CC2D2A: variants seen among roughly 807,000 people sequenced by gnomAD.
CC2D2A encodes coiled-coil and C2 domain containing 2A, also known as coiled-coil and C2 domain-containing protein 2A.
A neutral mutation model predicts 212.9 loss-of-function variants in CC2D2A; 155 were observed. That is an observed-to-expected ratio of 0.73 (90% CI 0.64 to 0.83). The LOEUF (loss-of-function observed/expected upper bound fraction) is 0.83, where lower values mean the gene tolerates loss of function less well. Among genes scored for constraint, CC2D2A ranks in the 40% least tolerant of loss-of-function variants. The probability of loss-of-function intolerance (pLI) is 0.00; values close to 1 mark genes in which losing one functional copy is unlikely to be tolerated. For synonymous variants in CC2D2A, 667 were observed against 686.5 expected, an observed-to-expected ratio of 0.97 and a Z score of 0.44; for missense variants, 1,856 against 1,956.2, an observed-to-expected ratio of 0.95 and a Z score of 0.97.
intron 4 of CC2D2A, among the ~76,000 whole-genome samples, chr4:15,483,053 G>C (rs1479141431): frequency 6.6e-6 from 1 of 152,218 alleles, no homozygotes; most frequent in African/African-American, 2.4e-5. Context: ...CCAAGACGAA[G>C]AGAAAACATC....
chr4:15,574,659 A>G (rs187986766), intron 29 of CC2D2A, among the ~76,000 whole-genome samples: 1 of 152,248 alleles, frequency 6.6e-6, no homozygotes, highest in East Asian at 1.9e-4. Flanking sequence ...AAATATCACA[A>G]ACTAGAATAT....
intron 20 of CC2D2A, among the ~76,000 whole-genome samples, 196 bp downstream of exon 20, chr4:15,555,406 G>A (rs1381719290): frequency 2.6e-5 from 4 of 152,184 alleles, no homozygotes; most frequent in African/African-American, 9.7e-5. Flanking sequence ...CTGTGCTGCT[G>A]TCATAGCGGG....
intron 13 of CC2D2A, among the ~76,000 whole-genome samples, chr4:15,529,816 C>CT (rs533868904): frequency 0.028 from 3,349 of 121,292 alleles, 54 homozygotes; most frequent in Middle Eastern, 0.071. Flanking sequence ...TAAATCGAGG[C>CT]TTTTTTTTTT....
intron 16 of CC2D2A, among the ~76,000 whole-genome samples, 161 bp downstream of exon 16, chr4:15,538,298 T>C (rs983887743): frequency 5.3e-5 from 8 of 152,182 alleles, no homozygotes; most frequent in East Asian, 1.9e-4. Flanking sequence ...TTGAACCACA[T>C]GAAATTGCTG....
chr4:15,498,284 C>T (rs1305977663), intron 4 of CC2D2A, among the ~76,000 whole-genome samples: 2 of 152,176 alleles, frequency 1.3e-5, no homozygotes, highest in African/African-American at 4.8e-5. Context: ...GCTACATTGA[C>T]ATTATGTATA....
chr4:15,524,793 G>A (rs1316134361), intron 11 of CC2D2A, among the ~76,000 whole-genome samples: 1 of 152,074 alleles, frequency 6.6e-6, no homozygotes, highest in African/African-American at 2.4e-5. Flanking sequence ...TGCACATGGT[G>A]AGAACATCAA....
intron 24 of CC2D2A, among the ~76,000 whole-genome samples, chr4:15,564,684 C>T (rs930661306): frequency 8.6e-5 from 13 of 151,852 alleles, no homozygotes; most frequent in Non-Finnish European, 2.9e-5. Flanking sequence ...TTTTGCCTTA[C>T]ATTTTTTATT....
At chr4:15,493,885 T>A (rs1378331610) in intron 4 of CC2D2A, among the ~76,000 whole-genome samples, 1 of 152,190 alleles carries the variant, frequency 6.6e-6, no homozygotes, top group Non-Finnish European at 1.5e-5. Context: ...AATACTAGTA[T>A]CCTCTTAGAA....
At chr4:15,499,282 A>G (rs1230739578) in intron 4 of CC2D2A, among the ~76,000 whole-genome samples, 2 of 152,194 alleles carry the variant, frequency 1.3e-5, no homozygotes, top group South Asian at 2.1e-4. Flanking sequence ...TGATGCGTCA[A>G]TGAAGGTTCA....
chr4:15,507,910 G>A (rs553648029), intron 6 of CC2D2A, among the ~76,000 whole-genome samples: 1 of 152,164 alleles, frequency 6.6e-6, no homozygotes, highest in Non-Finnish European at 1.5e-5. Context: ...GGGACCAAAG[G>A]TCACTGTTTT....
chr4:15,581,019 T>C lies in CC2D2A; in HGVS notation c.3975+848T>C, dbSNP rs191050570. ...CAGAGCACCATACCCATCACAAACT[T>C]GTGTGAATCAGAAGGCATATGTTAA... is the stretch of plus-strand genomic sequence containing the variant. On this transcript the variant is annotated intron_variant, in intron 30 of 36. Transcript: ENST00000424120. 5.9e-3 allele frequency among the ~76,000 whole-genome samples: 901 copies of C among 152,256 alleles called. 35 individuals are homozygous for C. Among genetic ancestry groups the C allele is most frequent in the Admixed American group, 0.05 (759 of 15,288 alleles).
At chr4:15,589,082 G>A (rs1304944435) in intron 32 of CC2D2A, among the ~76,000 whole-genome samples, 3 of 151,444 alleles carry the variant, frequency 2.0e-5, no homozygotes, top group African/African-American at 7.3e-5. Context: ...TTAACTGTTT[G>A]GTACATATCC....
At chr4:15,480,993 A>G (rs1714605595) in intron 4 of CC2D2A, among the ~76,000 whole-genome samples, 166 bp downstream of exon 4, 1 of 152,172 alleles carries the variant, frequency 6.6e-6, no homozygotes, top group South Asian at 2.1e-4. Flanking sequence ...ATCCCTGCCA[A>G]GGAGACAGAA....
chr4:15,591,676 A>C (rs1721116212), intron 33 of CC2D2A, among the ~76,000 whole-genome samples: 1 of 152,124 alleles, frequency 6.6e-6, no homozygotes, highest in African/African-American at 2.4e-5. Context: ...TTCTCATGTT[A>C]ATTATTATTT....
At chr4:15,489,345 C>T (rs1487483429) in intron 4 of CC2D2A, among the ~76,000 whole-genome samples, 1 of 152,060 alleles carries the variant, frequency 6.6e-6, no homozygotes, top group Non-Finnish European at 1.5e-5. Context: ...TTGGGGGTTA[C>T]CTTAGTGCCC....
At chr4:15,484,156 T>G (rs1446970222) in intron 4 of CC2D2A, among the ~76,000 whole-genome samples, 2 of 152,142 alleles carry the variant, frequency 1.3e-5, no homozygotes, top group Non-Finnish European at 2.9e-5. Context: ...AGATAAAGAA[T>G]AAGCTGGCAG....
At chr4:15,502,701 T>A (rs1333242616) in intron 5 of CC2D2A, 121 bp from the exon 6 acceptor site, 1 of 1,041,134 alleles carries the variant, frequency 9.6e-7, no homozygotes, top group Non-Finnish European at 1.4e-6. Context: ...GAATTTAATG[T>A]CACTTTTCTG....
At chr4:15,544,237 GC>G (rs1341319894) in intron 17 of CC2D2A, among the ~76,000 whole-genome samples, 1 of 152,188 alleles carries the variant, frequency 6.6e-6, no homozygotes, top group Non-Finnish European at 1.5e-5. Context: ...AAGCACACTT[GC>G]CGCTCCTCTG....
At chr4:15,470,694 T>TATATA (rs1713736173) in intron 1 of CC2D2A, among the ~76,000 whole-genome samples, 1 of 27,946 alleles carries the variant, frequency 3.6e-5, no homozygotes, top group African/African-American at 2.1e-4. Context: ...TCTCTCTATA[T>TATATA]ATATATATAT....
Sources: gnomAD v4.1 joint callset for allele counts (sites outside exome capture counted in the v4.1 genomes callset) on GRCh38, gnomAD v4.1.1 for gene constraint, MANE v1.5 for transcripts, NCBI Gene and HGNC (gene_info 2026-07-23, HGNC 2026-07-21) for gene names.